DARS2: variants seen among roughly 807,000 people sequenced by gnomAD.
DARS2 encodes aspartyl-tRNA synthetase 2, mitochondrial.
DARS2 carries 63 observed loss-of-function variants against 83.0 expected under a neutral mutation model. The ratio of observed to expected loss-of-function variants is 0.76; its 90% CI spans 0.62 to 0.94. The LOEUF is 0.94. Ranked by LOEUF, DARS2 falls within the 40% of genes least tolerant of loss-of-function variation. The pLI, the probability that DARS2 is intolerant of heterozygous loss-of-function variation, is 0.00. For synonymous variants in DARS2, 250 were observed against 269.3 expected (o/e 0.93, Z 0.70); for missense variants, 675 against 774.4 (o/e 0.87, Z 1.52).
At chr1:173,850,272 A>G (rs1653599612) in intron 12 of DARS2, 55 bp from the exon 13 acceptor site, 2 of 1,505,266 alleles carry the variant, frequency 1.3e-6, no homozygotes, top group East Asian at 2.3e-5. Context: ...AGATAAATTA[A>G]TCCCACTGTT....
intron 14 of DARS2, 82 bp downstream of exon 14, chr1:173,853,649 T>C (rs2102662583): frequency 6.4e-7 from 1 of 1,553,076 alleles, no homozygotes; most frequent in South Asian, 1.1e-5. Flanking sequence ...TGATGAAAGA[T>C]AGGACCCAGT....
chr1:173,849,052 TTATTCATAAAA>T (rs1653546013), intron 12 of DARS2, among the ~76,000 whole-genome samples: 1 of 152,030 alleles, frequency 6.6e-6, no homozygotes. Context: ...TATTCTGGTT[TTATTCATAAAA>T]TATATTTTTG....
intron 13 of DARS2, 134 bp from the exon 14 acceptor site, chr1:173,853,215 G>A (rs1452961563): frequency 1.2e-6 from 1 of 845,470 alleles, no homozygotes. Flanking sequence ...TGTGTCCTGA[G>A]AAGCAAAGGG....
intron 13 of DARS2, among the ~76,000 whole-genome samples, chr1:173,850,755 G>A (rs1249564743): frequency 4.0e-5 from 6 of 151,684 alleles, no homozygotes; most frequent in Non-Finnish European, 8.8e-5. Context: ...ACAGGCGCAC[G>A]CTGCCATACC....
intron 3 of DARS2, among the ~76,000 whole-genome samples, chr1:173,829,907 C>T (rs1345336953): frequency 6.6e-6 from 1 of 151,652 alleles, no homozygotes; most frequent in Admixed American, 6.6e-5. Context: ...GACTCTATCT[C>T]AAAAAAATAA....
At chr1:173,831,709 A>G in intron 5 of DARS2, 79 bp downstream of exon 5, 2 of 1,174,458 alleles carry the variant, frequency 1.7e-6, no homozygotes, top group Non-Finnish European at 2.5e-6. Flanking sequence ...AGTTTTTTAA[A>G]GAAAAGTTTA....
In DARS2 at chr1:173,840,919, T is replaced by C. The variant is rs775249781; in HGVS notation, c.1074T>C (p.Asp358=). The C allele has an allele frequency of 9.9e-6, 16 of 1,613,336 alleles. No homozygotes were observed. Among genetic ancestry groups the C allele is most frequent in the Admixed American group, 5.0e-5 (3 of 60,006 alleles). Residue 358 remains aspartate, a synonymous_variant, in exon 11 of 17, where the codon GAT becomes GAC. Coordinates refer to ENST00000649689, the MANE Select transcript of DARS2 (RefSeq NM_018122.5). ...FRNTEIGFLQ[D]ALSKPHGTVK... is the part of the protein sequence containing the mutation. ...ACACAGAGATTGGATTTCTTCAAGA[T>C]GCACTTAGTAAGCCCCATGGAACTG...
At chr1:173,825,821 C>T (rs1389081010) in intron 1 of DARS2, among the ~76,000 whole-genome samples, 1 of 151,832 alleles carries the variant, frequency 6.6e-6, no homozygotes, top group Non-Finnish European at 1.5e-5. Context: ...AATTCACTCT[C>T]ATTATATTCA....
rs770338615 is a variant in DARS2, at chr1:173,826,682, TA to T, written c.128-2del. 50 of 1,548,034 alleles carry T rather than the reference TA, an allele frequency of 3.2e-5. No individual in the cohort carries two copies. Among genetic ancestry groups the T allele is most frequent in the Middle Eastern group, 1.7e-4 (1 of 5,862 alleles). On this transcript the variant is annotated splice_region_variant and splice_polypyrimidine_tract_variant and intron_variant, in intron 1 of 16. Transcript: ENST00000649689. ...TAAAGTTTCTTTTTTTTTTTTTTTTTAAAGAATTCAGTAGCTTTGTTGTCCG... is the reference window on the plus strand; with the variant it reads ...TAAAGTTTCTTTTTTTTTTTTTTTTTAAGAATTCAGTAGCTTTGTTGTCCG...
At chr1:173,826,548 CTTATT>C in intron 1 of DARS2, 134 bp from the exon 2 acceptor site, 2 of 652,270 alleles carry the variant, frequency 3.1e-6, no homozygotes, top group East Asian at 2.7e-5. Flanking sequence ...CATACTCTGA[CTTATT>C]TTATTTTATA....
At chr1:173,844,760 T>C (rs1357291348) in intron 11 of DARS2, among the ~76,000 whole-genome samples, 1 of 144,456 alleles carries the variant, frequency 6.9e-6, no homozygotes, top group Non-Finnish European at 1.5e-5. Context: ...AAATGTGTCA[T>C]TTGGTAGCAG....
chr1:173,843,782 T>C (rs1454055222), intron 11 of DARS2, among the ~76,000 whole-genome samples: 1 of 152,176 alleles, frequency 6.6e-6, no homozygotes, highest in Non-Finnish European at 1.5e-5. Context: ...CAGTACACAC[T>C]GTATCTAAGG....
chr1:173,829,452 C>T (rs568240835), intron 3 of DARS2, among the ~76,000 whole-genome samples: 1 of 152,044 alleles, frequency 6.6e-6, no homozygotes, highest in South Asian at 2.1e-4. Flanking sequence ...TAAAATATGA[C>T]AGAGTGATAT....
At chr1:173,840,730 T>C in intron 10 of DARS2, 136 bp from the exon 11 acceptor site, 1 of 662,808 alleles carries the variant, frequency 1.5e-6, no homozygotes. Flanking sequence ...TAACCCATGG[T>C]AAACACTCTT....
rs549839808 is a variant in DARS2, at chr1:173,844,669, C to CAAAAAAAAAAAAAAAAAAAAA, written c.1129-541_1129-521dup. On this transcript the variant is annotated intron_variant, in intron 11 of 16. Transcript: ENST00000649689. ...TGGGTGACAGAGCTAGACTCCATCG[C>CAAAAAAAAAAAAAAAAAAAAA]AAAAAAAAAAAAAAAAAAAAAAAAA... Among the ~76,000 whole-genome samples the CAAAAAAAAAAAAAAAAAAAAA allele has an allele frequency of 1.0e-4, 3 of 29,892 alleles. 1 individual carries two copies. Among genetic ancestry groups the CAAAAAAAAAAAAAAAAAAAAA allele is most frequent in the African/African-American group, 2.4e-4 (3 of 12,530 alleles). The allele number at this position is 29,892 out of a possible 152,430, so 19.6% of individuals were successfully genotyped here. A position where few individuals can be genotyped will look rare whatever the true frequency, so the allele number is the denominator to read the frequency against.
chr1:173,856,395 T>C (rs1292913129), intron 15 of DARS2, among the ~76,000 whole-genome samples: 1 of 152,250 alleles, frequency 6.6e-6, no homozygotes, highest in Non-Finnish European at 1.5e-5. Context: ...TCTGTTTGCA[T>C]TGTGAATACA....
chr1:173,827,332 A>G (rs1652619677), intron 2 of DARS2, among the ~76,000 whole-genome samples: 1 of 152,168 alleles, frequency 6.6e-6, no homozygotes. Context: ...AGGTTATATG[A>G]CCTTCTTAAA....
intron 7 of DARS2, among the ~76,000 whole-genome samples, chr1:173,834,853 A>T (rs1652945275): frequency 7.5e-6 from 1 of 132,682 alleles, no homozygotes; most frequent in South Asian, 2.3e-4. Context: ...ATCTCAGCTA[A>T]TTGCAACCTC....
intron 7 of DARS2, among the ~76,000 whole-genome samples, chr1:173,835,752 T>C (rs1048205772): frequency 1.7e-4 from 25 of 151,446 alleles, no homozygotes; most frequent in Non-Finnish European, 1.3e-4. Context: ...ACCTTGTCTC[T>C]ACTAAAAGTA....
Sources: allele counts gnomAD v4.1 joint callset (sites outside exome capture counted in the v4.1 genomes callset), GRCh38; gene constraint gnomAD v4.1.1; transcripts MANE v1.5; gene names NCBI Gene and HGNC (gene_info 2026-07-23, HGNC 2026-07-21).